ACSF3: variants seen among roughly 807,000 people sequenced by gnomAD.
ACSF3 encodes the protein acyl-CoA synthetase family member 3.
In ACSF3, 78 loss-of-function variants were observed where a neutral mutation model predicts 53.2. That is an observed-to-expected ratio of 1.47 (90% confidence interval 1.22 to 1.77). ACSF3 has a LOEUF of 1.77. ACSF3 is among the 40% of genes most tolerant of loss of function. The pLI, the probability that ACSF3 is intolerant of heterozygous loss-of-function variation, is 0.00. For synonymous variants in ACSF3, 414 were observed against 333.1 expected (o/e 1.24, Z -2.65); for missense variants, 937 against 771.1 (o/e 1.22, Z -2.55).
intron 5 of ACSF3, chr16:89,113,389 C>A: frequency 6.6e-6 from 1 of 152,448 alleles, no homozygotes; most frequent in Non-Finnish European, 1.5e-5. Flanking sequence ...GTTCCCTTGC[C>A]CCTTTTCTGT....
chr16:89,105,975 C>T (rs1272994236), intron 4 of ACSF3, among the ~76,000 whole-genome samples: 3 of 152,264 alleles, frequency 2.0e-5, no homozygotes, highest in Non-Finnish European at 1.5e-5. Flanking sequence ...GCATGAATGA[C>T]ACCACCTGGC....
At chr16:89,103,708 C>T (rs996474755) in intron 4 of ACSF3, among the ~76,000 whole-genome samples, 10 of 152,212 alleles carry the variant, frequency 6.6e-5, no homozygotes, top group Non-Finnish European at 1.2e-4. Flanking sequence ...TGGAGAGCTG[C>T]TTGCTGCGGA....
intron 5 of ACSF3, 30 bp from the exon 6 acceptor site, chr16:89,114,309 G>A: frequency 6.2e-7 from 1 of 1,613,444 alleles, no homozygotes; most frequent in Non-Finnish European, 8.5e-7. Context: ...GTCCCAAGGG[G>A]CTAAACCTGC....
intron 8 of ACSF3, among the ~76,000 whole-genome samples, chr16:89,141,977 T>C (rs1597230480): frequency 6.6e-6 from 1 of 152,184 alleles, no homozygotes; most frequent in East Asian, 1.9e-4. Flanking sequence ...CCAGTGCTGC[T>C]GGGGGAGTCT....
At chr16:89,109,717 G>A (rs376833113) in intron 4 of ACSF3, among the ~76,000 whole-genome samples, 183 of 152,134 alleles carry the variant, frequency 1.2e-3, no homozygotes, top group African/African-American at 4.1e-3. Context: ...CCGGCCAGAT[G>A]TTGAGCATTT....
At chr16:89,141,081 C>G in intron 8 of ACSF3, 1 of 1,280,490 alleles carries the variant, frequency 7.8e-7, no homozygotes, top group Non-Finnish European at 1.0e-6. Flanking sequence ...CGCAAGTTGC[C>G]CTGGAGCCCT....
intron 8 of ACSF3, chr16:89,141,419 G>A (rs553973817): frequency 2.7e-5 from 24 of 894,452 alleles, no homozygotes; most frequent in African/African-American, 1.4e-4. Flanking sequence ...CAGCGGGGCC[G>A]CCCCTTTGGG....
chr16:89,122,332 G>C (rs1171352123), intron 7 of ACSF3: 1 of 377,396 alleles, frequency 2.6e-6, no homozygotes. Flanking sequence ...ACCCACCTGG[G>C]TGGCTGCCCC....
At chr16:89,094,725 C>G (rs528806963) in intron 1 of ACSF3, among the ~76,000 whole-genome samples, 1 of 152,268 alleles carries the variant, frequency 6.6e-6, no homozygotes, top group South Asian at 2.1e-4. Flanking sequence ...AGACCCCTAT[C>G]TCTACAAAAA....
chr16:89,155,649 G>C lies in ACSF3; in HGVS notation c.*1442G>C. Reference sequence around the variant, plus strand: ...GAGGCCTGGACCCAAGGGAACGGCAGTCAGAGACTACAGTCCAGACGTTTG... The same window carrying C: ...GAGGCCTGGACCCAAGGGAACGGCACTCAGAGACTACAGTCCAGACGTTTG... On this transcript the variant is annotated 3_prime_UTR_variant, in exon 11 of 11. Coordinates refer to ENST00000614302, the MANE Select transcript of ACSF3 (RefSeq NM_001243279.3). The C allele has an allele frequency of 2.2e-6, 1 of 454,122 alleles. No homozygotes were observed. The allele number at this position is 454,122 out of a possible 1,614,324, so 28.1% of individuals were successfully genotyped here. A position where few individuals can be genotyped will look rare whatever the true frequency, so the allele number is the denominator to read the frequency against.
intron 10 of ACSF3, among the ~76,000 whole-genome samples, chr16:89,146,971 ATTTCT>A (rs1389948981): frequency 3.9e-5 from 6 of 152,014 alleles, no homozygotes; most frequent in African/African-American, 1.5e-4. Context: ...ACCTACAGTA[ATTTCT>A]TTTGTTTTTT....
At chr16:89,116,399 C>T (rs760620451) in intron 6 of ACSF3, among the ~76,000 whole-genome samples, 9 of 152,146 alleles carry the variant, frequency 5.9e-5, no homozygotes, top group Non-Finnish European at 7.3e-5. Flanking sequence ...TGCCAGGCAG[C>T]GATACGGTGC....
At chr16:89,130,517 T>G (rs1423921162) in intron 7 of ACSF3, among the ~76,000 whole-genome samples, 1 of 152,192 alleles carries the variant, frequency 6.6e-6, no homozygotes, top group East Asian at 1.9e-4. Flanking sequence ...GAGGTTGCAG[T>G]AAGCCGAGAT....
At chr16:89,101,570 T>G (rs1204300043) in intron 3 of ACSF3, among the ~76,000 whole-genome samples, 1 of 152,040 alleles carries the variant, frequency 6.6e-6, no homozygotes, top group Admixed American at 6.5e-5. Context: ...TGTAGAGGGA[T>G]TGAGGGGCCG....
intron 8 of ACSF3, among the ~76,000 whole-genome samples, chr16:89,144,339 C>T (rs534253338): frequency 3.3e-5 from 5 of 152,376 alleles, no homozygotes; most frequent in African/African-American, 9.6e-5. Context: ...GGAAGGAAAA[C>T]GTGGGGCAGC....
In ACSF3 at chr16:89,154,183, C is replaced by A. The variant is rs763984193; in HGVS notation, c.1707C>A (p.Leu569=). ...TGGGCAAGATTGACAAGAAGGCGCT[C>A]ATCAGGCACTTCCACCCCTCATGAC... ...NQMGKIDKKA[L]IRHFHPS The change falls in exon 11 of 11, where the codon CTC becomes CTA. Residue 569 remains leucine, a synonymous_variant. Transcript: ENST00000614302. The A allele has an allele frequency of 3.7e-6, 6 of 1,613,592 alleles. No individual in the cohort carries two copies. Among genetic ancestry groups the A allele is most frequent in the Non-Finnish European group, 5.1e-6 (6 of 1,179,890 alleles).
At chr16:89,102,293 T>G in intron 3 of ACSF3, 1 of 430,158 alleles carries the variant, frequency 2.3e-6, no homozygotes, top group Non-Finnish European at 4.4e-6. Context: ...AGTCCCAGGC[T>G]TGGGCAGGGG....
intron 7 of ACSF3, among the ~76,000 whole-genome samples, chr16:89,130,358 G>A (rs540355337): frequency 3.2e-4 from 48 of 152,304 alleles, no homozygotes; most frequent in African/African-American, 9.6e-4. Context: ...TGGATCACCT[G>A]AGGTCAAGAA....
chr16:89,114,292 G>A, intron 5 of ACSF3, 47 bp from the exon 6 acceptor site: 4 of 1,610,944 alleles, frequency 2.5e-6, no homozygotes, highest in African/African-American at 1.3e-5. Context: ...TTGCACGCGA[G>A]AGCCACGTCC....
Sources: allele counts gnomAD v4.1 joint callset (sites outside exome capture counted in the v4.1 genomes callset), GRCh38; gene constraint gnomAD v4.1.1; transcripts MANE v1.5; gene names NCBI Gene and HGNC (gene_info 2026-07-23, HGNC 2026-07-21).